DGKB: variants seen among roughly 807,000 people sequenced by gnomAD.
DGKB encodes the protein diacylglycerol kinase beta, also known as 90 kDa diacylglycerol kinase.
DGKB carries 67 observed loss-of-function variants against 114.3 expected under a neutral mutation model. The observed-to-expected ratio is 0.59, with a 90% CI of 0.48 to 0.72. The LOEUF (loss-of-function observed/expected upper bound fraction) is 0.72. DGKB is among the 30% of genes least tolerant of loss of function. DGKB has a pLI of 0.00. For missense variants in DGKB, 907 were observed against 975.2 expected, an observed-to-expected ratio of 0.93 and a Z score of 0.93; for synonymous variants, 398 against 323.1, an observed-to-expected ratio of 1.23 and a Z score of -2.49.
chr7:14,330,983 A>G (rs1322718392), intron 23 of DGKB, among the ~76,000 whole-genome samples: 1 of 151,894 alleles, frequency 6.6e-6, no homozygotes, highest in African/African-American at 2.4e-5. Flanking sequence ...ACAAACTTCA[A>G]AATTATAACT....
chr7:14,677,362 T>C (rs2128958550), intron 12 of DGKB, among the ~76,000 whole-genome samples: 1 of 152,114 alleles, frequency 6.6e-6, no homozygotes, highest in Non-Finnish European at 1.5e-5. Context: ...TGGAGGCACA[T>C]ATTTACTGGT....
chr7:14,783,745 C>T (rs1410818702), intron 2 of DGKB, among the ~76,000 whole-genome samples: 2 of 152,134 alleles, frequency 1.3e-5, no homozygotes, highest in East Asian at 3.8e-4. Flanking sequence ...AAAGTAAATA[C>T]CAAGGATGTT....
At chr7:14,964,231 C>A (rs1260403750) in intron 1 of DGKB, among the ~76,000 whole-genome samples, 1 of 152,108 alleles carries the variant, frequency 6.6e-6, no homozygotes, top group Non-Finnish European at 1.5e-5. Flanking sequence ...GATTGCCCAG[C>A]CCAGTGGCTC....
At chr7:14,259,971 A>G (rs1335557345) in intron 23 of DGKB, among the ~76,000 whole-genome samples, 2 of 152,196 alleles carry the variant, frequency 1.3e-5, no homozygotes, top group South Asian at 2.1e-4. Context: ...AAATAAATAC[A>G]TTTCAAATTG....
intron 20 of DGKB, among the ~76,000 whole-genome samples, chr7:14,567,776 T>G (rs960343838): frequency 6.0e-5 from 9 of 150,580 alleles, no homozygotes; most frequent in African/African-American, 2.2e-4. Flanking sequence ...CCAGCTAATT[T>G]TTGTATTTTT....
intron 20 of DGKB, among the ~76,000 whole-genome samples, chr7:14,514,206 T>TA (rs1355455559): frequency 6.6e-6 from 1 of 152,114 alleles, no homozygotes; most frequent in African/African-American, 2.4e-5. Context: ...TATACATTTT[T>TA]AAAAATATTT....
At chr7:14,387,881 C>CTTTT (rs11448628) in intron 21 of DGKB, among the ~76,000 whole-genome samples, 2 of 117,876 alleles carry the variant, frequency 1.7e-5, no homozygotes, top group Non-Finnish European at 3.7e-5. Context: ...GTGTCCTTTT[C>CTTTT]TTTTTTTTTT....
intron 17 of DGKB, among the ~76,000 whole-genome samples, chr7:14,592,075 G>C (rs1180436964): frequency 2.0e-5 from 3 of 151,444 alleles, no homozygotes; most frequent in African/African-American, 7.3e-5. Context: ...AATAGATTAA[G>C]TATATAAAAT....
rs78844758 is a variant in DGKB at position 14,165,419 on chromosome 7, C to G, written c.2304+11420G>C. On this transcript the variant is annotated intron_variant, in intron 25 of 25. Coordinates refer to ENST00000402815, the MANE Select transcript of DGKB (RefSeq NM_001350709.2). Reference sequence around the variant, plus strand: ...TACATAGGAGGTAAAAGGAGATCCACCTATCACAAAAAAATGCGAATTCTA... The same window carrying G: ...TACATAGGAGGTAAAAGGAGATCCAGCTATCACAAAAAAATGCGAATTCTA... 3.2e-3 allele frequency among the ~76,000 whole-genome samples: 488 copies of G among 152,204 alleles called. 1 individual carries two copies. Among genetic ancestry groups the G allele is most frequent in the Non-Finnish European group, 5.1e-3 (347 of 67,994 alleles).
chr7:14,768,385 T>G (rs1836788799), intron 2 of DGKB, among the ~76,000 whole-genome samples: 1 of 151,914 alleles, frequency 6.6e-6, no homozygotes, highest in South Asian at 2.1e-4. Context: ...CATTTTCTCT[T>G]TCTAATACTT....
At chr7:14,501,017 A>G (rs1786085410) in intron 20 of DGKB, among the ~76,000 whole-genome samples, 1 of 151,930 alleles carries the variant, frequency 6.6e-6, no homozygotes, top group African/African-American at 2.4e-5. Context: ...AAATTTACAG[A>G]AAATATTAAT....
intron 12 of DGKB, among the ~76,000 whole-genome samples, chr7:14,680,702 G>A (rs747850478): frequency 1.3e-5 from 2 of 151,990 alleles, no homozygotes; most frequent in Non-Finnish European, 1.5e-5. Flanking sequence ...GAGGACAGTG[G>A]TTCTCATGAC....
At chr7:14,524,918 C>A (rs929010152) in intron 20 of DGKB, among the ~76,000 whole-genome samples, 35 of 151,910 alleles carry the variant, frequency 2.3e-4, no homozygotes, top group African/African-American at 8.0e-4. Flanking sequence ...TACATACACA[C>A]TAAAATATTT....
At chr7:14,248,216 T>C (rs752514958) in intron 23 of DGKB, among the ~76,000 whole-genome samples, 5 of 152,146 alleles carry the variant, frequency 3.3e-5, no homozygotes, top group Non-Finnish European at 7.4e-5. Context: ...TGTCTGTTTT[T>C]ATGCCAGTAC....
At chr7:14,250,130 A>AT (rs1194379704) in intron 23 of DGKB, among the ~76,000 whole-genome samples, 145 of 62,844 alleles carry the variant, frequency 2.3e-3, no homozygotes, top group South Asian at 0.01. Context: ...ATATATATAT[A>AT]TATTTTTTTT....
intron 23 of DGKB, among the ~76,000 whole-genome samples, chr7:14,229,770 T>C (rs1190257609): frequency 6.6e-6 from 1 of 151,900 alleles, no homozygotes; most frequent in Non-Finnish European, 1.5e-5. Context: ...CATAAAGTTG[T>C]TAAATAAAAT....
At chr7:14,849,300 T>C (rs1849038322) in intron 1 of DGKB, among the ~76,000 whole-genome samples, 1 of 148,548 alleles carries the variant, frequency 6.7e-6, no homozygotes, top group Admixed American at 6.7e-5. Flanking sequence ...TAGCTATAAT[T>C]TGAATATTTG....
chr7:14,468,209 T>A (rs1288122372), intron 21 of DGKB, among the ~76,000 whole-genome samples: 2 of 152,190 alleles, frequency 1.3e-5, no homozygotes, highest in African/African-American at 4.8e-5. Context: ...CGGCTATCTA[T>A]GAACATCAAA....
chr7:14,594,982 A>G (rs977618643), intron 17 of DGKB, among the ~76,000 whole-genome samples: 1 of 152,116 alleles, frequency 6.6e-6, no homozygotes. Flanking sequence ...GCCTTTGAGT[A>G]TCTCACTGGC....
Sources: allele counts gnomAD v4.1 joint callset (sites outside exome capture counted in the v4.1 genomes callset), GRCh38; gene constraint gnomAD v4.1.1; transcripts MANE v1.5; gene names NCBI Gene and HGNC (gene_info 2026-07-23, HGNC 2026-07-21).